The following DMP1 variants were observed in gnomAD, a reference collection of about 807,000 sequenced individuals.
The protein encoded by DMP1 is dentin matrix protein 1.
A neutral mutation model predicts 14.6 loss-of-function variants in DMP1; 20 were observed. The ratio of observed to expected loss-of-function variants is 1.37; its 90% CI spans 0.96 to 1.99. DMP1 has a LOEUF of 1.99. DMP1 is among the 30% of genes most tolerant of loss of function. DMP1 has a pLI of 0.00. For missense variants in DMP1, 567 were observed against 620.5 expected (o/e 0.91, Z 0.92); for synonymous variants, 197 against 215.3 (o/e 0.91, Z 0.75).
At chr4:87,660,551 AAAAAC>A (rs200119536) in intron 5 of DMP1, among the ~76,000 whole-genome samples, 1 of 152,218 alleles carries the variant, frequency 6.6e-6, no homozygotes, top group African/African-American at 2.4e-5. Context: ...AGGGATGTGT[AAAAAC>A]AAAACAAAAC....
At chr4:87,661,653 T>TG (rs1385817553) in intron 5 of DMP1, among the ~76,000 whole-genome samples, 3 of 151,232 alleles carry the variant, frequency 2.0e-5, no homozygotes, top group East Asian at 1.9e-4. Context: ...AAGAGTTTTT[T>TG]TTTTTTTTTT....
chr4:87,664,163 T>C lies in DMP1; in HGVS notation c.*843T>C, dbSNP rs1014417160. On this transcript the variant is annotated 3_prime_UTR_variant, in exon 6 of 6. Transcript: ENST00000339673. ...AGGAAGAGTGGGAGAAAGAAATTCCTCTTTACGTAGATACTTTTTAGCTTT... is the reference window on the plus strand; with the variant it reads ...AGGAAGAGTGGGAGAAAGAAATTCCCCTTTACGTAGATACTTTTTAGCTTT... 1 of 152,508 alleles carries C rather than the reference T, an allele frequency of 6.6e-6. No individual in the cohort carries two copies. Among genetic ancestry groups the C allele is most frequent in the African/African-American group, 2.4e-5 (1 of 41,418 alleles). The allele number at this position is 152,508 out of a possible 1,614,324, so 9.4% of individuals were successfully genotyped here.
rs2110018570 is a variant in DMP1, at chr4:87,664,095, C to A, written c.*775C>A. 1 of 150,940 alleles carries A rather than the reference C, an allele frequency of 6.6e-6. No homozygotes were observed. The highest frequency in any genetic ancestry group is 2.0e-4 in the East Asian group (1 of 5,122). The allele number at this position is 150,940 out of a possible 1,614,324, so 9.4% of individuals were successfully genotyped here. On this transcript the variant is annotated 3_prime_UTR_variant, in exon 6 of 6. Transcript: ENST00000339673. ...TTTTTTTTTGTAGAACTCCCATAAA[C>A]ATCACCTTACTAATCACTGGTGATG...
At chr4:87,661,289 C>T (rs1264826820) in intron 5 of DMP1, among the ~76,000 whole-genome samples, 4 of 141,430 alleles carry the variant, frequency 2.8e-5, no homozygotes, top group African/African-American at 5.3e-5. Flanking sequence ...GGCGCAATCT[C>T]GGCTCACTGC....
intron 3 of DMP1, chr4:87,658,946 G>A (rs979045977): frequency 6.2e-6 from 3 of 484,140 alleles, no homozygotes; most frequent in African/African-American, 5.9e-5. Flanking sequence ...TGTATGAACG[G>A]CCAGGTTCAA....
At chr4:87,652,368 C>T (rs1728549598) in intron 1 of DMP1, among the ~76,000 whole-genome samples, 1 of 152,146 alleles carries the variant, frequency 6.6e-6, no homozygotes, top group Admixed American at 6.5e-5. Flanking sequence ...ATGCACTTCA[C>T]AAAATTATAA....
At chr4:87,660,959 G>A (rs1029411999) in intron 5 of DMP1, among the ~76,000 whole-genome samples, 1 of 152,164 alleles carries the variant, frequency 6.6e-6, no homozygotes, top group Non-Finnish European at 1.5e-5. Context: ...TAAAAACTCT[G>A]TTTCACACCA....
At position 87,664,211 on chromosome 4, in the gene DMP1, G is replaced by T. The variant is rs1001346047; in HGVS notation, c.*891G>T. 1 of 152,444 alleles carries T rather than the reference G, an allele frequency of 6.6e-6. No homozygotes were observed. Among genetic ancestry groups the T allele is most frequent in the Non-Finnish European group, 1.5e-5 (1 of 67,994 alleles). 9.4% of individuals were successfully genotyped at this position (152,444 alleles called of 1,614,324 possible). A position where few individuals can be genotyped will look rare whatever the true frequency, so the allele number is the denominator to read the frequency against. On this transcript the variant is annotated 3_prime_UTR_variant, in exon 6 of 6. Transcript: ENST00000339673. ...TTTATTTTTTCTAAAATCAGTTTGC[G>T]TGCAATGCTAGAAAAAAACTGTTCT...
At position 87,659,212 on chromosome 4, in the gene DMP1, T is replaced by C. The variant is rs1396587194; in HGVS notation, c.103-8T>C. On this transcript the variant is annotated splice_region_variant and splice_polypyrimidine_tract_variant and intron_variant, in intron 3 of 5. Transcript: ENST00000339673. ...GTAATTTGTTTTCCTTCCTTTCCTT[T>C]TTTGCAGGGTCATTTGGCTCAGGCA... is the stretch of plus-strand genomic sequence containing the variant. The C allele has an allele frequency of 1.2e-6, 2 of 1,614,042 alleles. 1 individual carries two copies. The highest frequency in any genetic ancestry group is 2.2e-5 in the South Asian group (2 of 91,074).
chr4:87,656,340 C>T (rs543756426), intron 1 of DMP1, 132 bp from the exon 2 acceptor site: 1 of 685,848 alleles, frequency 1.5e-6, no homozygotes, highest in Admixed American at 2.1e-5. Context: ...TTTATAGATA[C>T]AGTAAATTTT....
intron 3 of DMP1, chr4:87,658,928 C>T (rs1186954487): frequency 2.3e-6 from 1 of 439,674 alleles, no homozygotes; most frequent in African/African-American, 2.0e-5. Context: ...GTTACGTTTC[C>T]TCTAGGTTGT....
At chr4:87,654,434 A>G (rs1728628254) in intron 1 of DMP1, among the ~76,000 whole-genome samples, 1 of 152,188 alleles carries the variant, frequency 6.6e-6, no homozygotes, top group African/African-American at 2.4e-5. Context: ...CTGAGTTCCT[A>G]TACCAGTAAA....
chr4:87,656,979 C>A, intron 2 of DMP1, 53 bp from the exon 3 acceptor site: 1 of 1,103,592 alleles, frequency 9.1e-7, no homozygotes, highest in Non-Finnish European at 1.4e-6. Flanking sequence ...GTGTTAATAA[C>A]TATTGCTTTA....
intron 3 of DMP1, among the ~76,000 whole-genome samples, chr4:87,658,590 T>C (rs1175977554): frequency 6.6e-6 from 1 of 152,268 alleles, no homozygotes; most frequent in Non-Finnish European, 1.5e-5. Context: ...TTTTCTTTAG[T>C]TTATATCATG....
intron 3 of DMP1, among the ~76,000 whole-genome samples, chr4:87,657,966 T>C (rs1728746739): frequency 6.6e-6 from 1 of 152,220 alleles, no homozygotes; most frequent in Non-Finnish European, 1.5e-5. Context: ...GAATAGACTT[T>C]GCAGTATTTA....
Position 87,663,577 on chromosome 4 carries a change from TG to T in DMP1, c.*258del. On this transcript the variant is annotated 3_prime_UTR_variant, in exon 6 of 6. Transcript: ENST00000339673. ...AGGATCTGCATGATAACTTTGCAGC[TG>T]AGATAGTTCCTAATTCATCAACGTA... 2 of 538,784 alleles carry T rather than the reference TG, an allele frequency of 3.7e-6. No individual in the cohort carries two copies. Among genetic ancestry groups the T allele is most frequent in the East Asian group, 6.9e-5 (2 of 29,182 alleles). 33.4% of individuals were successfully genotyped at this position (538,784 alleles called of 1,614,324 possible). A position where few individuals can be genotyped will look rare whatever the true frequency, so the allele number is the denominator to read the frequency against.
In DMP1 at chr4:87,662,761, AAG is replaced by A; in HGVS notation, c.988_989del (p.Ser330ProfsTer9). ...GACAGCAAGGAGAATCTGTCCCAGG[AAG>A]AGAGCCAAAACGTAGATGGTCCCAG... On this transcript the variant is annotated frameshift_variant, in exon 6 of 6. Coordinates refer to ENST00000339673, the MANE Select transcript of DMP1 (RefSeq NM_004407.4). LOFTEE classifies it low-confidence loss of function (END_TRUNC). The A allele has an allele frequency of 6.2e-7, 1 of 1,613,952 alleles. No individual in the cohort carries two copies. The highest frequency in any genetic ancestry group is 8.5e-7 in the Non-Finnish European group (1 of 1,179,880).
At chr4:87,661,330 TC>T (rs1330129321) in intron 5 of DMP1, among the ~76,000 whole-genome samples, 2 of 148,344 alleles carry the variant, frequency 1.3e-5, no homozygotes, top group Non-Finnish European at 3.0e-5. Context: ...CACGCCATTC[TC>T]CTGCCTCAGC....
Position 87,662,287 on chromosome 4 carries a change from A to G in DMP1, c.509A>G (p.Asn170Ser), listed in dbSNP as rs1333437573. Reference sequence around the variant, plus strand: ...ACCAGTGAGAGCAGGGAACTTGACAATGAGGACCGGGTGGACAGCAAGCCT... The same window carrying G: ...ACCAGTGAGAGCAGGGAACTTGACAGTGAGGACCGGGTGGACAGCAAGCCT... ...DTTSESRELD[N>S]EDRVDSKPEG... is the part of the protein sequence containing the mutation. Residue 170 changes from asparagine to serine, a missense_variant, in exon 6 of 6, where the codon AAT becomes AGT. Asn to Ser is a conservative substitution (Grantham distance 46). Coordinates refer to ENST00000339673, the MANE Select transcript of DMP1 (RefSeq NM_004407.4). 2 of 1,614,152 alleles carry G rather than the reference A, an allele frequency of 1.2e-6. No individual in the cohort carries two copies. The highest frequency in any genetic ancestry group is 2.2e-5 in the East Asian group (1 of 44,870).
Sources: gnomAD v4.1 joint callset for allele counts (sites outside exome capture counted in the v4.1 genomes callset) on GRCh38, gnomAD v4.1.1 for gene constraint, MANE v1.5 for transcripts, NCBI Gene and HGNC (gene_info 2026-07-23, HGNC 2026-07-21) for gene names.